VOPP1: variants seen among roughly 807,000 people sequenced by gnomAD.
VOPP1 encodes VOPP1 WW domain binding protein.
In VOPP1, 8 loss-of-function variants were observed where a neutral mutation model predicts 23.5. That is an observed-to-expected ratio of 0.34 (90% CI 0.20 to 0.61). The LOEUF is 0.61. Ranked by LOEUF, VOPP1 falls within the 20% of genes least tolerant of loss-of-function variation. The pLI is 0.78. For synonymous variants in VOPP1, 83 were observed against 97.3 expected, an observed-to-expected ratio of 0.85 and a Z score of 0.86; for missense variants, 174 against 238.1, an observed-to-expected ratio of 0.73 and a Z score of 1.77.
intron 1 of VOPP1, among the ~76,000 whole-genome samples, chr7:55,551,420 T>G (rs1797601416): frequency 6.6e-6 from 1 of 152,042 alleles, no homozygotes; most frequent in Non-Finnish European, 1.5e-5. Flanking sequence ...TGCTTTCCCT[T>G]CAAAATCGGG....
intron 2 of VOPP1, among the ~76,000 whole-genome samples, chr7:55,509,036 C>T (rs1292917503): frequency 6.6e-6 from 1 of 152,162 alleles, no homozygotes; most frequent in Non-Finnish European, 1.5e-5. Flanking sequence ...GAGCAAGACC[C>T]TGTCTCAAAT....
chr7:55,570,466 G>A (rs909224688), intron 1 of VOPP1, among the ~76,000 whole-genome samples: 2 of 152,116 alleles, frequency 1.3e-5, no homozygotes, highest in Non-Finnish European at 2.9e-5. Flanking sequence ...GACATGATCT[G>A]AACTCCTATT....
chr7:55,519,298 G>A (rs146815634), intron 2 of VOPP1, among the ~76,000 whole-genome samples: 1,667 of 152,274 alleles, frequency 0.011, 11 homozygotes, highest in Middle Eastern at 0.02. Context: ...TGTATCCCCT[G>A]TCTCCAGTTC....
intron 1 of VOPP1, among the ~76,000 whole-genome samples, chr7:55,559,481 G>A (rs943609402): frequency 1.8e-4 from 27 of 152,162 alleles, no homozygotes; most frequent in Admixed American, 1.8e-3. Context: ...CCCAGATGTC[G>A]TGATTTTGAA....
intron 2 of VOPP1, among the ~76,000 whole-genome samples, chr7:55,507,209 G>A (rs868814637): frequency 1.3e-5 from 2 of 152,172 alleles, no homozygotes; most frequent in African/African-American, 2.4e-5. Flanking sequence ...ACAGGCTCAC[G>A]TCAGAACTGT....
At chr7:55,479,591 T>C (rs1276039595) in intron 4 of VOPP1, among the ~76,000 whole-genome samples, 4 of 152,236 alleles carry the variant, frequency 2.6e-5, no homozygotes, top group African/African-American at 4.8e-5. Context: ...TTCCTGATGG[T>C]TGAATATTTT....
chr7:55,533,259 T>A (rs566687792), intron 1 of VOPP1, among the ~76,000 whole-genome samples: 71 of 152,100 alleles, frequency 4.7e-4, no homozygotes, highest in Non-Finnish European at 8.7e-4. Context: ...TCACTCAGTG[T>A]TGTCTGTGGG....
At chr7:55,514,353 G>GA (rs1795268649) in intron 2 of VOPP1, among the ~76,000 whole-genome samples, 1 of 152,214 alleles carries the variant, frequency 6.6e-6, no homozygotes, top group African/African-American at 2.4e-5. Flanking sequence ...TCTAGCACAG[G>GA]AAACGGGGGC....
intron 2 of VOPP1, among the ~76,000 whole-genome samples, chr7:55,512,577 A>C (rs1352891071): frequency 6.6e-6 from 1 of 152,252 alleles, no homozygotes; most frequent in African/African-American, 2.4e-5. Flanking sequence ...ACAAGAACTG[A>C]GAGAAAAGAA....
chr7:55,446,183 C>A (rs539884984), intron 4 of VOPP1, among the ~76,000 whole-genome samples: 2 of 152,030 alleles, frequency 1.3e-5, no homozygotes, highest in Non-Finnish European at 1.5e-5. Context: ...TTAGTAGAGA[C>A]GGGGTTTCAC....
rs1292048378 is a variant in VOPP1 at position 55,470,694 on chromosome 7, T to A, written c.*2161A>T. The A allele has an allele frequency of 6.6e-6, 1 of 152,292 alleles. No individual in the cohort carries two copies. Among genetic ancestry groups the A allele is most frequent in the Non-Finnish European group, 1.5e-5 (1 of 68,056 alleles). 9.4% of individuals were successfully genotyped at this position (152,292 alleles called of 1,614,324 possible). On this transcript the variant is annotated 3_prime_UTR_variant, in exon 5 of 5. Coordinates refer to ENST00000285279, the MANE Select transcript of VOPP1 (RefSeq NM_030796.5). ...ACAAAAAAGAGAAACGAGCCAATTGTTGCAGAGGAAAAGCATGCACAGATC... is the reference window on the plus strand; with the variant it reads ...ACAAAAAAGAGAAACGAGCCAATTGATGCAGAGGAAAAGCATGCACAGATC...
chr7:55,446,752 G>A (rs990620573), intron 4 of VOPP1, among the ~76,000 whole-genome samples: 2 of 152,188 alleles, frequency 1.3e-5, no homozygotes, highest in African/African-American at 2.4e-5. Flanking sequence ...TATGTTATGA[G>A]TATTTAACAA....
intron 4 of VOPP1, among the ~76,000 whole-genome samples, chr7:55,449,467 G>T (rs1363948269): frequency 6.6e-6 from 1 of 152,188 alleles, no homozygotes; most frequent in Non-Finnish European, 1.5e-5. Flanking sequence ...CAGCTGCAGC[G>T]CCAGGCCCAG....
downstream of VOPP1, among the ~76,000 whole-genome samples, chr7:55,466,701 C>T (rs1791640263): frequency 6.6e-6 from 1 of 152,058 alleles, no homozygotes; most frequent in Non-Finnish European, 1.5e-5. Flanking sequence ...CTATGTTGCC[C>T]AGGCTGGTCT....
At chr7:55,473,151 C>T (rs937608634) in intron 4 of VOPP1, 106 bp from the exon 5 acceptor site, 7 of 1,481,066 alleles carry the variant, frequency 4.7e-6, no homozygotes, top group African/African-American at 4.4e-5. Flanking sequence ...ATTCACTCAG[C>T]GACAGTGTAT....
chr7:55,539,820 G>A (rs1242130993), intron 1 of VOPP1, among the ~76,000 whole-genome samples: 1 of 151,710 alleles, frequency 6.6e-6, no homozygotes, highest in African/African-American at 2.4e-5. Flanking sequence ...ACTCAATGGA[G>A]AAACATGTTA....
chr7:55,538,804 G>C, intron 1 of VOPP1: 7 of 352,276 alleles, frequency 2.0e-5, no homozygotes, highest in East Asian at 4.8e-5. Context: ...ACATCTCCAA[G>C]CAACATTTCT....
chr7:55,530,453 G>C (rs965161208), intron 1 of VOPP1, among the ~76,000 whole-genome samples: 2 of 152,092 alleles, frequency 1.3e-5, no homozygotes, highest in Non-Finnish European at 2.9e-5. Context: ...ACTTAACATT[G>C]TAACAACCCT....
intron 1 of VOPP1, among the ~76,000 whole-genome samples, chr7:55,565,870 A>C (rs1798147344): frequency 6.6e-6 from 1 of 152,190 alleles, no homozygotes; most frequent in South Asian, 2.1e-4. Flanking sequence ...ATTGTTCAAT[A>C]AGTGCCAGTG....
Sources: allele counts gnomAD v4.1 joint callset (sites outside exome capture counted in the v4.1 genomes callset), GRCh38; gene constraint gnomAD v4.1.1; transcripts MANE v1.5; gene names NCBI Gene and HGNC (gene_info 2026-07-23, HGNC 2026-07-21).